Variants in ADK observed in about 807,000 individuals in gnomAD.
ADK encodes adenosine kinase.
ADK carries 24 observed loss-of-function variants against 44.7 expected under a neutral mutation model. That is an observed-to-expected ratio of 0.54 (90% CI 0.39 to 0.76). The LOEUF (loss-of-function observed/expected upper bound fraction) is 0.76. Among genes scored for constraint, ADK ranks in the 30% least tolerant of loss-of-function variants. ADK has a pLI of 0.00. For missense variants in ADK, 321 were observed against 425.1 expected (o/e 0.76, Z 2.15); for synonymous variants, 128 against 142.6 (o/e 0.90, Z 0.73).
intron 9 of ADK, among the ~76,000 whole-genome samples, chr10:74,665,281 C>T (rs548302072): frequency 6.6e-6 from 1 of 152,232 alleles, no homozygotes; most frequent in East Asian, 1.9e-4. Context: ...ATGGATATTA[C>T]CTTATTATAA....
intron 3 of ADK, among the ~76,000 whole-genome samples, chr10:74,280,646 G>A (rs141185225): frequency 6.6e-6 from 1 of 152,254 alleles, no homozygotes; most frequent in East Asian, 1.9e-4. Context: ...TGCTTTTGGG[G>A]CTATGGCAGT....
intron 1 of ADK, among the ~76,000 whole-genome samples, chr10:74,163,117 C>T (rs1479947787): frequency 6.6e-6 from 1 of 152,060 alleles, no homozygotes; most frequent in African/African-American, 2.4e-5. Flanking sequence ...CAGGTGCCCG[C>T]TACCACACCT....
intron 6 of ADK, among the ~76,000 whole-genome samples, chr10:74,478,365 A>G (rs1846936470): frequency 6.6e-6 from 1 of 152,196 alleles, no homozygotes; most frequent in Non-Finnish European, 1.5e-5. Flanking sequence ...GACTCCAGGC[A>G]TGTGCCACCA....
At chr10:74,491,816 A>G (rs1051960654) in intron 6 of ADK, among the ~76,000 whole-genome samples, 11 of 152,060 alleles carry the variant, frequency 7.2e-5, no homozygotes, top group South Asian at 4.1e-4. Context: ...TTCCCCCCCG[A>G]TAGAAACTAT....
chr10:74,487,720 A>G (rs908088267), intron 6 of ADK, among the ~76,000 whole-genome samples: 5 of 151,992 alleles, frequency 3.3e-5, no homozygotes, highest in African/African-American at 1.2e-4. Context: ...TTTCCATCGG[A>G]GCTTTTGGGG....
intron 3 of ADK, among the ~76,000 whole-genome samples, chr10:74,304,101 T>C (rs977899486): frequency 1.3e-5 from 2 of 152,236 alleles, no homozygotes; most frequent in East Asian, 3.8e-4. Context: ...CTGTAACATT[T>C]GGTTAATTGT....
At chr10:74,281,995 A>T (rs1846959041) in intron 3 of ADK, among the ~76,000 whole-genome samples, 1 of 152,194 alleles carries the variant, frequency 6.6e-6, no homozygotes, top group African/African-American at 2.4e-5. Context: ...TGAAATATGC[A>T]CATTTTCTTC....
intron 6 of ADK, among the ~76,000 whole-genome samples, chr10:74,456,150 G>T (rs1488413101): frequency 6.6e-6 from 1 of 151,760 alleles, no homozygotes; most frequent in African/African-American, 2.4e-5. Context: ...AATTAACAAG[G>T]ATATTCAGGA....
At chr10:74,173,317 T>C (rs58324700) in intron 1 of ADK, among the ~76,000 whole-genome samples, 76,950 of 151,432 alleles carry the variant, frequency 0.51, 20,539 homozygotes, top group Non-Finnish European at 0.6. Flanking sequence ...ATGGTCTCGA[T>C]CTCCTGACCT....
At chr10:74,697,905 CAT>C (rs929505418) in intron 10 of ADK, among the ~76,000 whole-genome samples, 5 of 152,200 alleles carry the variant, frequency 3.3e-5, no homozygotes, top group African/African-American at 1.2e-4. Context: ...ACAACTTTAA[CAT>C]ATGTTTCAGG....
At chr10:74,354,145 A>G (rs1399267216) in intron 4 of ADK, among the ~76,000 whole-genome samples, 1 of 152,252 alleles carries the variant, frequency 6.6e-6, no homozygotes, top group Non-Finnish European at 1.5e-5. Flanking sequence ...CTACTGTTGA[A>G]CAGAAGTTGT....
chr10:74,683,767 C>T (rs1168310412), intron 10 of ADK, among the ~76,000 whole-genome samples: 1 of 152,234 alleles, frequency 6.6e-6, no homozygotes, highest in Non-Finnish European at 1.5e-5. Context: ...GGATAAAATA[C>T]TTTCTACATG....
intron 1 of ADK, among the ~76,000 whole-genome samples, chr10:74,197,826 G>A (rs928774918): frequency 6.6e-6 from 1 of 152,022 alleles, no homozygotes; most frequent in African/African-American, 2.4e-5. Context: ...GTTTTTAAAC[G>A]GAGTATAATA....
At chr10:74,293,734 A>T (rs1321195747) in intron 3 of ADK, among the ~76,000 whole-genome samples, 1 of 152,200 alleles carries the variant, frequency 6.6e-6, no homozygotes, top group African/African-American at 2.4e-5. Context: ...TATTATTTTC[A>T]TAGATGCTAG....
chr10:74,627,808 G>C (rs1440866351), intron 9 of ADK, among the ~76,000 whole-genome samples: 1 of 151,658 alleles, frequency 6.6e-6, no homozygotes, highest in Admixed American at 6.6e-5. Context: ...AATTTTTTTT[G>C]GTATTGTTAG....
intron 4 of ADK, among the ~76,000 whole-genome samples, chr10:74,342,864 C>G (rs1311854881): frequency 6.6e-6 from 1 of 151,446 alleles, no homozygotes; most frequent in Non-Finnish European, 1.5e-5. Context: ...TTACTTAGCT[C>G]TAATATTTTT....
intron 1 of ADK, among the ~76,000 whole-genome samples, chr10:74,166,110 T>C (rs1201325016): frequency 6.6e-6 from 1 of 152,136 alleles, no homozygotes; most frequent in Non-Finnish European, 1.5e-5. Context: ...CAGTGAATTT[T>C]TGTATTTTTA....
intron 9 of ADK, among the ~76,000 whole-genome samples, chr10:74,666,832 T>A (rs1299911322): frequency 3.0e-5 from 1 of 33,074 alleles, no homozygotes; most frequent in Non-Finnish European, 9.1e-5. Flanking sequence ...TTTTGTGACT[T>A]TTTTTTTTTT....
intron 3 of ADK, among the ~76,000 whole-genome samples, chr10:74,307,114 G>A (rs976376545): frequency 1.1e-4 from 16 of 152,100 alleles, no homozygotes; most frequent in Non-Finnish European, 1.5e-5. Flanking sequence ...AACCCCAGTG[G>A]AAATGTGCCA....
Sources: allele counts gnomAD v4.1 joint callset (sites outside exome capture counted in the v4.1 genomes callset), GRCh38; gene constraint gnomAD v4.1.1; transcripts MANE v1.5; gene names NCBI Gene and HGNC (gene_info 2026-07-23, HGNC 2026-07-21).